TRA2A: variants seen among roughly 807,000 people sequenced by gnomAD.
TRA2A encodes the protein transformer 2 alpha homolog.
Under a neutral mutation model 45.7 loss-of-function variants are expected in TRA2A, and 31 were observed. That is an observed-to-expected ratio of 0.68 (90% CI 0.51 to 0.92). The LOEUF (loss-of-function observed/expected upper bound fraction) is 0.92. Among genes scored for constraint, TRA2A ranks in the 40% least tolerant of loss-of-function variants. The probability of loss-of-function intolerance (pLI) is 0.00; values close to 1 mark genes in which losing one functional copy is unlikely to be tolerated. For missense variants in TRA2A, 304 were observed against 367.5 expected (o/e 0.83, Z 1.41); for synonymous variants, 132 against 126.2 (o/e 1.05, Z -0.31).
chr7:23,522,556 TAAAA>T (rs35027244), intron 1 of TRA2A: 4 of 134,516 alleles, frequency 3.0e-5, no homozygotes, highest in South Asian at 2.3e-4. Context: ...CTAGTTTATT[TAAAA>T]AAAAAAAAAA....
chr7:23,522,309 T>G (rs1790166608), intron 1 of TRA2A: 1 of 1,180,490 alleles, frequency 8.5e-7, no homozygotes, highest in Non-Finnish European at 1.1e-6. Context: ...AATCTTCTGT[T>G]CAATTTTTTC....
chr7:23,505,226 G>T lies in TRA2A; in HGVS notation c.*333C>A. On this transcript the variant is annotated 3_prime_UTR_variant, in exon 8 of 8. Coordinates refer to ENST00000297071, the MANE Select transcript of TRA2A (RefSeq NM_013293.5). ...TAATACAGTATCTAACACAAAAGAA[G>T]CTTTAAAAAGACAGTTTCTTTCCTT... The T allele has an allele frequency of 3.9e-6, 1 of 258,810 alleles. No homozygotes were observed. Among genetic ancestry groups the T allele is most frequent in the Non-Finnish European group, 7.2e-6 (1 of 139,728 alleles). The allele number at this position is 258,810 out of a possible 1,614,324, so 16.0% of individuals were successfully genotyped here. A position where few individuals can be genotyped will look rare whatever the true frequency, so the allele number is the denominator to read the frequency against.
chr7:23,531,940 C>T lies in TRA2A; in HGVS notation c.-116G>A, dbSNP rs918949849. The T allele has an allele frequency of 8.9e-7, 1 of 1,124,240 alleles. No individual in the cohort carries two copies. The highest frequency in any genetic ancestry group is 1.3e-6 in the Non-Finnish European group (1 of 765,524). 69.6% of individuals were successfully genotyped at this position (1,124,240 alleles called of 1,614,324 possible). ...AGAGGAAAGAGTCGGCAACCACAGC[C>T]GCTCCACTCCACTCCCACTCGGTCG... is the stretch of plus-strand genomic sequence containing the variant. On this transcript the variant is annotated 5_prime_UTR_variant, in exon 1 of 8. Transcript: ENST00000297071.
intron 3 of TRA2A, among the ~76,000 whole-genome samples, chr7:23,516,154 T>C (rs1789859693): frequency 1.3e-5 from 2 of 152,104 alleles, no homozygotes; most frequent in South Asian, 2.1e-4. Context: ...AAAGAAAATA[T>C]ACTTCCTTTG....
At chr7:23,530,865 G>A (rs1389091484) in intron 1 of TRA2A, among the ~76,000 whole-genome samples, 1 of 151,696 alleles carries the variant, frequency 6.6e-6, no homozygotes, top group East Asian at 1.9e-4. Flanking sequence ...TAAAAATACT[G>A]AGCCAATGAA....
chr7:23,506,966 G>T (rs191342286), intron 5 of TRA2A, among the ~76,000 whole-genome samples: 9 of 152,042 alleles, frequency 5.9e-5, no homozygotes, highest in Non-Finnish European at 1.3e-4. Context: ...TAGTAGAGAC[G>T]GGGTTTCACC....
chr7:23,527,178 G>C (rs1234447951), intron 1 of TRA2A, among the ~76,000 whole-genome samples: 1 of 152,140 alleles, frequency 6.6e-6, no homozygotes, highest in Non-Finnish European at 1.5e-5. Flanking sequence ...AGATGATAGG[G>C]TCCTGGTTTC....
chr7:23,528,341 G>T (rs1167342771), intron 1 of TRA2A, among the ~76,000 whole-genome samples: 1 of 151,792 alleles, frequency 6.6e-6, no homozygotes, highest in African/African-American at 2.4e-5. Flanking sequence ...CCGAGTAGCT[G>T]GGACTACAGA....
In TRA2A at chr7:23,506,262, CACT is replaced by C; in HGVS notation, c.643_645del (p.Ser215del). Reference sequence around the variant, plus strand: ...CCGCCGCCTCCTCCACCACCCCCACCACTACTGCAGAAAAATGTAAAAATTCTC... The same window carrying C: ...CCGCCGCCTCCTCCACCACCCCCACCACTGCAGAAAAATGTAAAAATTCTC... On this transcript the variant is annotated inframe_deletion and splice_region_variant, in exon 6 of 8. Coordinates refer to ENST00000297071, the MANE Select transcript of TRA2A (RefSeq NM_013293.5). 3 of 1,604,716 alleles carry C rather than the reference CACT, an allele frequency of 1.9e-6. No homozygotes were observed. Among genetic ancestry groups the C allele is most frequent in the Non-Finnish European group, 2.6e-6 (3 of 1,175,590 alleles).
At position 23,505,364 on chromosome 7, in the gene TRA2A, A is replaced by G. The variant is rs1267966452; in HGVS notation, c.*195T>C. On this transcript the variant is annotated 3_prime_UTR_variant, in exon 8 of 8. Transcript: ENST00000297071. ...AGATGTTTAACTGTTCAAAATGACA[A>G]CAATTACATCTTTTAAGAGTATAAT... 1 of 432,580 alleles carries G rather than the reference A, an allele frequency of 2.3e-6. No homozygotes were observed. The highest frequency in any genetic ancestry group is 4.1e-6 in the Non-Finnish European group (1 of 241,676). The allele number at this position is 432,580 out of a possible 1,614,324, so 26.8% of individuals were successfully genotyped here.
chr7:23,515,678 T>C (rs1789833912), intron 3 of TRA2A, among the ~76,000 whole-genome samples: 1 of 152,004 alleles, frequency 6.6e-6, no homozygotes, highest in Non-Finnish European at 1.5e-5. Flanking sequence ...CTCAAGTAGT[T>C]GAGATTACAG....
intron 2 of TRA2A, among the ~76,000 whole-genome samples, chr7:23,516,762 T>C (rs1789889322): frequency 1.3e-5 from 2 of 151,380 alleles, no homozygotes; most frequent in Admixed American, 1.3e-4. Flanking sequence ...TAAGGCCCCA[T>C]CTTCTTTTAA....
Position 23,505,500 on chromosome 7 carries a change from TAAAAAAA to T in TRA2A, c.*52_*58del, listed in dbSNP as rs777556731. 1.1e-5 allele frequency: 4 copies of T among 351,718 alleles called. No individual in the cohort carries two copies. Among genetic ancestry groups the T allele is most frequent in the Non-Finnish European group, 1.9e-5 (4 of 209,950 alleles). 21.8% of individuals were successfully genotyped at this position (351,718 alleles called of 1,614,324 possible). ...CCACAGCTTGGGGAAATCTCAGAAT[TAAAAAAA>T]AAAAAAAAAAAAAGAGGAAAAAAAA... On this transcript the variant is annotated 3_prime_UTR_variant, in exon 8 of 8. Coordinates refer to ENST00000297071, the MANE Select transcript of TRA2A (RefSeq NM_013293.5).
At position 23,515,116 on chromosome 7, in the gene TRA2A, A is replaced by T. The variant is rs1368230938; in HGVS notation, c.336+1247T>A. ...AAAGTGTTAGCTATGATTACTACAA[A>T]GTTTTTAATATTTCTTTGACCCCCT... is the stretch of plus-strand genomic sequence containing the variant. On this transcript the variant is annotated intron_variant, in intron 3 of 7. Transcript: ENST00000297071. Among the ~76,000 whole-genome samples the T allele has an allele frequency of 4.6e-5, 7 of 152,268 alleles. 1 individual carries two copies. The South Asian group carries it at 1.5e-3, about 32-fold the overall frequency.
In TRA2A at chr7:23,506,867, C is replaced by T. The variant is rs1298912076; in HGVS notation, c.641+553G>A. Among the ~76,000 whole-genome samples, 5 of 152,310 alleles carry T rather than the reference C, an allele frequency of 3.3e-5. No homozygotes were observed. In the South Asian group the frequency reaches 1.0e-3, roughly 32 times the overall value. On this transcript the variant is annotated intron_variant, in intron 5 of 7. Transcript: ENST00000297071. ...CTCGGCTCACTGCAAGCCCTGCCTC[C>T]GGGGTTCATGCCATTCTCCTGCCTC...
At chr7:23,523,568 ATTTAT>A (rs1790221327) in intron 1 of TRA2A, among the ~76,000 whole-genome samples, 1 of 152,234 alleles carries the variant, frequency 6.6e-6, no homozygotes, top group Admixed American at 6.5e-5. Flanking sequence ...GTCAAGACTT[ATTTAT>A]CAAGAACTGT....
chr7:23,505,450 T>C lies in TRA2A; in HGVS notation c.*109A>G. 1 of 531,582 alleles carries C rather than the reference T, an allele frequency of 1.9e-6. No individual in the cohort carries two copies. The highest frequency in any genetic ancestry group is 3.3e-6 in the Non-Finnish European group (1 of 298,864). The allele number at this position is 531,582 out of a possible 1,614,324, so 32.9% of individuals were successfully genotyped here. The stretch of plus-strand genomic sequence containing the variant: ...GTGTAGATGCTAAATAAACCAAAGT[T>C]TTTTTCTTAAGGAGTAGGAAGAATC... On this transcript the variant is annotated 3_prime_UTR_variant, in exon 8 of 8. Transcript: ENST00000297071.
chr7:23,517,620 CA>C (rs939314857), intron 2 of TRA2A, among the ~76,000 whole-genome samples: 15 of 142,148 alleles, frequency 1.1e-4, no homozygotes, highest in African/African-American at 3.1e-4. Context: ...CAAAACAAAA[CA>C]AAAAAAATCA....
chr7:23,514,899 T>C (rs1257651113), intron 3 of TRA2A, among the ~76,000 whole-genome samples: 1 of 152,340 alleles, frequency 6.6e-6, no homozygotes, highest in African/African-American at 2.4e-5. Flanking sequence ...AGAAGCATAG[T>C]ACAGCATGCA....
Sources: gnomAD v4.1 joint callset for allele counts (sites outside exome capture counted in the v4.1 genomes callset) on GRCh38, gnomAD v4.1.1 for gene constraint, MANE v1.5 for transcripts, NCBI Gene and HGNC (gene_info 2026-07-23, HGNC 2026-07-21) for gene names.